MLLT3: variants seen among roughly 807,000 people sequenced by gnomAD.
MLLT3 encodes the protein protein AF-9.
Under a neutral mutation model 53.2 loss-of-function variants are expected in MLLT3, and 4 were observed. That is an observed-to-expected ratio of 0.08 (90% CI 0.04 to 0.17). The LOEUF (loss-of-function observed/expected upper bound fraction) is 0.17, where lower values mean the gene tolerates loss of function less well. Among genes scored for constraint, MLLT3 ranks in the 10% least tolerant of loss-of-function variants. The pLI is 1.00. For synonymous variants in MLLT3, 283 were observed against 230.6 expected (o/e 1.23, Z -2.06); for missense variants, 569 against 684.0 (o/e 0.83, Z 1.87).
At chr9:20,514,595 T>A (rs924406986) in intron 2 of MLLT3, among the ~76,000 whole-genome samples, 13 of 151,904 alleles carry the variant, frequency 8.6e-5, no homozygotes, top group African/African-American at 3.1e-4. Flanking sequence ...CATGGGACAA[T>A]CTATTTTTAA....
At chr9:20,584,785 G>A (rs1819906466) in intron 2 of MLLT3, among the ~76,000 whole-genome samples, 1 of 152,170 alleles carries the variant, frequency 6.6e-6, no homozygotes, top group East Asian at 1.9e-4. Context: ...ATTTGGGTGG[G>A]GGCACAGCCA....
chr9:20,512,222 C>G (rs1217118003), intron 2 of MLLT3, among the ~76,000 whole-genome samples: 1 of 152,230 alleles, frequency 6.6e-6, no homozygotes, highest in Admixed American at 6.5e-5. Context: ...GTCTCCCTAT[C>G]TGGCTCCTGA....
At chr9:20,404,053 T>G (rs1822521516) in intron 5 of MLLT3, among the ~76,000 whole-genome samples, 2 of 152,112 alleles carry the variant, frequency 1.3e-5, no homozygotes. Flanking sequence ...ACTCCTAGAC[T>G]CAAGTTATCC....
chr9:20,565,983 T>TA (rs1819360626), intron 2 of MLLT3, among the ~76,000 whole-genome samples: 1 of 121,210 alleles, frequency 8.3e-6, no homozygotes, highest in Non-Finnish European at 1.7e-5. Context: ...TATATATATA[T>TA]TTATTTATAT....
intron 3 of MLLT3, among the ~76,000 whole-genome samples, chr9:20,456,062 C>T (rs1016013334): frequency 2.6e-5 from 4 of 151,826 alleles, no homozygotes; most frequent in African/African-American, 9.7e-5. Context: ...CCTCAGCCTC[C>T]TATGTAGCTG....
intron 4 of MLLT3, among the ~76,000 whole-genome samples, chr9:20,433,347 A>G (rs1823324190): frequency 6.6e-6 from 1 of 152,230 alleles, no homozygotes; most frequent in Non-Finnish European, 1.5e-5. Flanking sequence ...GTAATAGGTT[A>G]TAACCCATTG....
At chr9:20,427,545 A>G (rs915792679) in intron 4 of MLLT3, among the ~76,000 whole-genome samples, 4 of 152,050 alleles carry the variant, frequency 2.6e-5, no homozygotes, top group African/African-American at 9.6e-5. Context: ...ACAATGGTGG[A>G]AATTTTCCAA....
At chr9:20,371,859 C>T (rs1014542449) in intron 5 of MLLT3, among the ~76,000 whole-genome samples, 4 of 152,118 alleles carry the variant, frequency 2.6e-5, no homozygotes, top group African/African-American at 9.7e-5. Flanking sequence ...TCTGATATAT[C>T]TGAGCAAAGT....
At chr9:20,373,492 T>TCTTTAG (rs1821672930) in intron 5 of MLLT3, among the ~76,000 whole-genome samples, 1 of 152,258 alleles carries the variant, frequency 6.6e-6, no homozygotes, top group Non-Finnish European at 1.5e-5. Context: ...GCACTGATCC[T>TCTTTAG]GTACTAAGAG....
chr9:20,437,266 T>C (rs573412419), intron 4 of MLLT3, among the ~76,000 whole-genome samples: 1 of 152,198 alleles, frequency 6.6e-6, no homozygotes, highest in Non-Finnish European at 1.5e-5. Flanking sequence ...ACATTCTATG[T>C]TGCTCTGCAG....
At chr9:20,382,739 G>T (rs79189955) in intron 5 of MLLT3, among the ~76,000 whole-genome samples, 3 of 151,882 alleles carry the variant, frequency 2.0e-5, no homozygotes, top group African/African-American at 7.2e-5. Context: ...TAGTATAACA[G>T]GATCTTAAAT....
rs113955581 is a variant in MLLT3 at position 20,354,503 on chromosome 9, G to C, written c.1503+305C>G. The stretch of plus-strand genomic sequence containing the variant: ...TCAGATGTCTTGCTCATCTACATCT[G>C]AGATTCCTTAATATTCTATCTCTAC... On this transcript the variant is annotated intron_variant, in intron 9 of 10. Coordinates refer to ENST00000380338, the MANE Select transcript of MLLT3 (RefSeq NM_004529.4). Among the ~76,000 whole-genome samples the C allele has an allele frequency of 5.3e-5, 8 of 152,322 alleles. 1 individual carries two copies. The highest frequency in any genetic ancestry group is 1.9e-4 in the African/African-American group (8 of 41,568).
At chr9:20,498,563 C>G (rs964443126) in intron 2 of MLLT3, among the ~76,000 whole-genome samples, 1 of 152,164 alleles carries the variant, frequency 6.6e-6, no homozygotes, top group African/African-American at 2.4e-5. Flanking sequence ...CACATGCAGC[C>G]CAAGATGGCT....
At chr9:20,464,736 A>G (rs569535617) in intron 2 of MLLT3, among the ~76,000 whole-genome samples, 23 of 152,204 alleles carry the variant, frequency 1.5e-4, no homozygotes, top group African/African-American at 5.5e-4. Flanking sequence ...AAGATGTGCA[A>G]ACAATCTAAA....
At chr9:20,590,401 G>A (rs1223909752) in intron 2 of MLLT3, among the ~76,000 whole-genome samples, 1 of 152,206 alleles carries the variant, frequency 6.6e-6, no homozygotes, top group Non-Finnish European at 1.5e-5. Context: ...TGCGGAGGCA[G>A]GGCCCCAGTC....
intron 2 of MLLT3, among the ~76,000 whole-genome samples, chr9:20,547,147 C>T: frequency 6.6e-6 from 1 of 152,030 alleles, no homozygotes; most frequent in East Asian, 1.9e-4. Flanking sequence ...AAAATAGTTC[C>T]ACTTTGTAGT....
chr9:20,521,077 CT>C (rs11410290), intron 2 of MLLT3, among the ~76,000 whole-genome samples: 6 of 148,480 alleles, frequency 4.0e-5, no homozygotes, highest in African/African-American at 9.9e-5. Flanking sequence ...TTTGTTCTTT[CT>C]TTTTTTTTTA....
intron 5 of MLLT3, among the ~76,000 whole-genome samples, chr9:20,390,420 C>A (rs1186873323): frequency 2.0e-5 from 3 of 152,056 alleles, no homozygotes; most frequent in Non-Finnish European, 4.4e-5. Context: ...GCACTGATCC[C>A]AAAATAATCA....
At chr9:20,496,742 G>T (rs182336438) in intron 2 of MLLT3, among the ~76,000 whole-genome samples, 13 of 152,266 alleles carry the variant, frequency 8.5e-5, no homozygotes, top group Admixed American at 2.0e-4. Context: ...AAATCGTCAT[G>T]GTTACTATAT....
Sources: gnomAD v4.1 joint callset for allele counts (sites outside exome capture counted in the v4.1 genomes callset) on GRCh38, gnomAD v4.1.1 for gene constraint, MANE v1.5 for transcripts, NCBI Gene and HGNC (gene_info 2026-07-23, HGNC 2026-07-21) for gene names.